Variants in CDH23 observed in about 807,000 individuals in gnomAD.
CDH23 encodes the protein cadherin-23.
Under a neutral mutation model 317.1 loss-of-function variants are expected in CDH23, and 189 were observed. The observed-to-expected ratio is 0.60, with a 90% CI of 0.53 to 0.67. CDH23 has a LOEUF of 0.67. Ranked by LOEUF, CDH23 falls within the 30% of genes least tolerant of loss-of-function variation. The pLI, the probability that CDH23 is intolerant of heterozygous loss-of-function variation, is 0.00. For synonymous variants in CDH23, 1,839 were observed against 1,876.8 expected, an observed-to-expected ratio of 0.98 and a Z score of 0.52; for missense variants, 4,401 against 4,592.4, an observed-to-expected ratio of 0.96 and a Z score of 1.20.
intron 1 of CDH23, among the ~76,000 whole-genome samples, chr10:71,423,209 C>T (rs998105896): frequency 2.0e-5 from 3 of 151,910 alleles, no homozygotes; most frequent in Admixed American, 2.0e-4. Context: ...AGGGTTCGAA[C>T]GGGGACATCT....
At chr10:71,558,079 C>T (rs1856955891) in intron 6 of CDH23, among the ~76,000 whole-genome samples, 1 of 127,182 alleles carries the variant, frequency 7.9e-6, no homozygotes, top group Admixed American at 7.9e-5. Context: ...CTCACTGCAA[C>T]ATCTCCCTCC....
At chr10:71,475,518 G>A (rs922278412) in intron 3 of CDH23, among the ~76,000 whole-genome samples, 2 of 152,196 alleles carry the variant, frequency 1.3e-5, no homozygotes, top group Admixed American at 6.5e-5. Flanking sequence ...GCCAACTTTG[G>A]GGGAAGAGCC....
intron 38 of CDH23, among the ~76,000 whole-genome samples, chr10:71,756,152 C>T (rs1194353699): frequency 1.3e-5 from 2 of 152,028 alleles, no homozygotes; most frequent in Non-Finnish European, 2.9e-5. Flanking sequence ...TATTAAACTA[C>T]CAAAAAAAGT....
At chr10:71,801,147 TC>T (rs1841546500) in intron 53 of CDH23, among the ~76,000 whole-genome samples, 14 of 116,590 alleles carry the variant, frequency 1.2e-4, no homozygotes, top group African/African-American at 3.8e-4. Context: ...TGTCTCTCTC[TC>T]TCTTTTTTTT....
At chr10:71,657,577 G>A (rs1046884970) in intron 14 of CDH23, among the ~76,000 whole-genome samples, 1 of 152,188 alleles carries the variant, frequency 6.6e-6, no homozygotes, top group Non-Finnish European at 1.5e-5. Context: ...CGGTCCACAG[G>A]CTTTAGCAAA....
intron 3 of CDH23, among the ~76,000 whole-genome samples, chr10:71,505,836 A>G (rs1018038345): frequency 2.0e-5 from 3 of 152,256 alleles, no homozygotes; most frequent in African/African-American, 7.2e-5. Flanking sequence ...TTCCTCAATA[A>G]TTTAAACATA....
intron 6 of CDH23, among the ~76,000 whole-genome samples, chr10:71,552,617 A>C (rs971807199): frequency 6.6e-6 from 1 of 152,196 alleles, no homozygotes; most frequent in African/African-American, 2.4e-5. Flanking sequence ...TCCCAGAGCA[A>C]AGAGGCTGGC....
chr10:71,701,957 C>T lies in CDH23; in HGVS notation c.2398-65C>T, dbSNP rs545694310. The T allele has an allele frequency of 2.7e-5, 42 of 1,549,952 alleles. 1 individual carries two copies. The highest frequency in any genetic ancestry group is 1.8e-4 in the Middle Eastern group (1 of 5,700). ...ACCAACGTCTGAGCTCAGATACTCC[C>T]GGCCAGCCCAGAGACACCCTCCCCA... On this transcript the variant is annotated intron_variant, in intron 22 of 69. Coordinates refer to ENST00000224721, the MANE Select transcript of CDH23 (RefSeq NM_022124.6).
chr10:71,470,040 G>A lies in CDH23; in HGVS notation c.145+23645G>A, dbSNP rs561199678. ...AATAAAAAAAAATTTGTGCTATGTT[G>A]CCCAGGCTGGTCTCCAATTCCTGGG... On this transcript the variant is annotated intron_variant, in intron 3 of 69. Transcript: ENST00000224721. Among the ~76,000 whole-genome samples the A allele has an allele frequency of 2.6e-5, 4 of 152,178 alleles. No individual in the cohort carries two copies. In the South Asian group the frequency reaches 8.3e-4, roughly 32 times the overall value.
intron 38 of CDH23, chr10:71,773,492 C>A: frequency 6.6e-7 from 1 of 1,526,592 alleles, no homozygotes; most frequent in Non-Finnish European, 8.9e-7. Context: ...GGGCGGGACG[C>A]GGCCGGCGCG....
chr10:71,439,972 C>T, intron 2 of CDH23, 74 bp downstream of exon 2: 1 of 1,204,944 alleles, frequency 8.3e-7, no homozygotes, highest in Non-Finnish European at 1.2e-6. Context: ...GGTGTTGGGG[C>T]TGGTGGTTCA....
intron 3 of CDH23, among the ~76,000 whole-genome samples, chr10:71,483,582 T>C (rs1852184296): frequency 6.6e-6 from 1 of 152,176 alleles, no homozygotes; most frequent in Non-Finnish European, 1.5e-5. Flanking sequence ...CACGTGCAAG[T>C]GCGTCTTAAT....
rs1283947001 is a variant in CDH23, at chr10:71,446,386, A to T, written c.136A>T (p.Thr46Ser). 2.5e-6 allele frequency: 4 copies of T among 1,613,908 alleles called. No homozygotes were observed. The highest frequency in any genetic ancestry group is 3.4e-6 in the Non-Finnish European group (4 of 1,179,898). ...TACATACCTGCTGATCAGCGAGGAC[A>T]CGCCTGTGGGTGAGTGGGGGCATGG... Reference protein sequence around the residue: ...FDTYLLISEDTPVGSSVTQLL... With the variant: ...FDTYLLISEDSPVGSSVTQLL... The change falls in exon 3 of 70, where the codon ACG becomes TCG. Residue 46 changes from threonine (T) to serine (S), a missense_variant. Physicochemically the swap from Thr to Ser is moderately conservative, Grantham distance 58 (BLOSUM62 1). Around this residue, in one of 3 missense-constraint regions of CDH23, gnomAD observed 3,068 missense variants for 3,203.3 expected, o/e 0.96. Transcript: ENST00000224721.
intron 38 of CDH23, among the ~76,000 whole-genome samples, chr10:71,759,175 C>A (rs1011669783): frequency 6.6e-6 from 1 of 151,730 alleles, no homozygotes; most frequent in Non-Finnish European, 1.5e-5. Flanking sequence ...GTAGCTGGGA[C>A]TACAGGCGTG....
At position 71,790,353 on chromosome 10, in the gene CDH23, G is replaced by T. The variant is rs755121910; in HGVS notation, c.5989G>T (p.Val1997Leu). ...GGATGCAGACCAAGACATCTACGCC[G>T]TGGTGACCTACCAGCTGCTGGGTGC... Reference protein sequence around the residue: ...ALDADQDIYAVVTYQLLGAQS... With the variant: ...ALDADQDIYALVTYQLLGAQS... The change falls in exon 46 of 70, where the codon GTG becomes TTG. Residue 1997 changes from valine to leucine, a missense_variant. Val to Leu is a conservative substitution (Grantham distance 32). Transcript: ENST00000224721. 5.6e-6 allele frequency: 9 copies of T among 1,613,792 alleles called. No individual in the cohort carries two copies. Among genetic ancestry groups the T allele is most frequent in the Non-Finnish European group, 7.6e-6 (9 of 1,179,852 alleles).
At position 71,452,735 on chromosome 10, in the gene CDH23, G is replaced by A. The variant is rs572886629; in HGVS notation, c.145+6340G>A. On this transcript the variant is annotated intron_variant, in intron 3 of 69. Transcript: ENST00000224721. ...TAATATTGACATTATAATTAACAGC[G>A]ATTTTAGTGTCTCTATTATACAAGA... 3.8e-4 allele frequency among the ~76,000 whole-genome samples: 58 copies of A among 152,220 alleles called. No individual in the cohort carries two copies. In the South Asian group the frequency reaches 4.4e-3, roughly 11 times the overall value.
At chr10:71,412,628 C>T (rs1242627290) in intron 1 of CDH23, among the ~76,000 whole-genome samples, 5 of 152,222 alleles carry the variant, frequency 3.3e-5, no homozygotes, top group Non-Finnish European at 7.3e-5. Flanking sequence ...CACGCCTCAG[C>T]TTCCCAAGTA....
rs373634236 is a variant in CDH23, at chr10:71,732,312, G to A, written c.4041G>A (p.Thr1347=). The part of the protein sequence containing the change: ...AYSIDNLNQI[T]YRFNAYTSTQ... Reference sequence around the variant, plus strand: ...CCATCGACAACCTCAACCAAATCACGTACCGCTTCAACGCCTACACCAGCA... The same window carrying A: ...CCATCGACAACCTCAACCAAATCACATACCGCTTCAACGCCTACACCAGCA... The change falls in exon 32 of 70, where the codon ACG becomes ACA. Residue 1347 remains threonine (T), a synonymous_variant. Coordinates refer to ENST00000224721, the MANE Select transcript of CDH23 (RefSeq NM_022124.6). The A allele has an allele frequency of 5.0e-5, 81 of 1,607,022 alleles. No homozygotes were observed. Among genetic ancestry groups the A allele is most frequent in the Middle Eastern group, 5.0e-4 (3 of 6,058 alleles).
At chr10:71,682,644 C>T in intron 18 of CDH23, 72 bp downstream of exon 18, 1 of 1,564,834 alleles carries the variant, frequency 6.4e-7, no homozygotes, top group Non-Finnish European at 8.7e-7. Flanking sequence ...GAACCCAGTA[C>T]TGTAGGACTG....
Sources: gnomAD v4.1 joint callset for allele counts (sites outside exome capture counted in the v4.1 genomes callset) on GRCh38, gnomAD v4.1.1 for gene constraint, gnomAD v4.1.1 regional missense constraint, MANE v1.5 for transcripts, NCBI Gene and HGNC (gene_info 2026-07-23, HGNC 2026-07-21) for gene names.